Variants in PKIB observed in about 807,000 individuals in gnomAD.
PKIB encodes the protein cAMP-dependent protein kinase inhibitor beta.
PKIB carries 2 observed loss-of-function variants against 4.5 expected under a neutral mutation model. The ratio of observed to expected loss-of-function variants is 0.44; its 90% confidence interval spans 0.18 to 1.39. The LOEUF is 1.39. Ranked by LOEUF, PKIB falls within the 40% of genes most tolerant of loss-of-function variation. The probability of loss-of-function intolerance (pLI) is 0.27; values close to 1 mark genes in which losing one functional copy is unlikely to be tolerated. For synonymous variants in PKIB, 38 were observed against 36.0 expected, an observed-to-expected ratio of 1.06 and a Z score of -0.20; for missense variants, 94 against 92.6, an observed-to-expected ratio of 1.02 and a Z score of -0.06.
At chr6:122,665,056 C>T (rs953354570) in intron 2 of PKIB, among the ~76,000 whole-genome samples, 47 of 152,226 alleles carry the variant, frequency 3.1e-4, no homozygotes, top group African/African-American at 9.9e-4. Flanking sequence ...TATATAAATG[C>T]TTCTCCAGTT....
chr6:122,666,524 GT>G (rs1342338966), intron 2 of PKIB, among the ~76,000 whole-genome samples: 1 of 152,132 alleles, frequency 6.6e-6, no homozygotes, highest in Non-Finnish European at 1.5e-5. Flanking sequence ...AGTCTATCAA[GT>G]CACTTTCTGG....
At chr6:122,553,478 C>CTTTTTTTTTTTTTTTTTTTTTTT (rs1562249215) in intron 2 of PKIB, among the ~76,000 whole-genome samples, 2 of 48,928 alleles carry the variant, frequency 4.1e-5, no homozygotes, top group South Asian at 9.5e-4. Context: ...GCTCAAATAT[C>CTTTTTTTTTTTTTTTTTTTTTTT]TTCTTTTTTT....
intron 1 of PKIB, among the ~76,000 whole-genome samples, chr6:122,617,750 T>C (rs1775054466): frequency 6.6e-6 from 1 of 152,172 alleles, no homozygotes; most frequent in African/African-American, 2.4e-5. Context: ...GTTTAGGTTA[T>C]GTCTAAGTAT....
At chr6:122,702,139 G>A (rs1231222233) in intron 3 of PKIB, among the ~76,000 whole-genome samples, 2 of 151,876 alleles carry the variant, frequency 1.3e-5, no homozygotes, top group Non-Finnish European at 1.5e-5. Flanking sequence ...ACTTATGAAC[G>A]AAAATGAAAC....
intron 2 of PKIB, among the ~76,000 whole-genome samples, chr6:122,531,668 A>G (rs1777264047): frequency 6.6e-6 from 1 of 151,808 alleles, no homozygotes; most frequent in African/African-American, 2.4e-5. Context: ...TCCACTCCCC[A>G]CCTTTCACTT....
intron 1 of PKIB, among the ~76,000 whole-genome samples, chr6:122,620,747 G>A (rs572322928): frequency 3.9e-5 from 6 of 152,130 alleles, no homozygotes; most frequent in Non-Finnish European, 7.3e-5. Context: ...TGTTGAGGGA[G>A]GCAGATGTTG....
rs923396413 is a variant in PKIB at position 122,633,376 on chromosome 6, AT to A, written c.-76+14del. 1 of 152,174 alleles carries A rather than the reference AT, an allele frequency of 6.6e-6. No homozygotes were observed. The highest frequency in any genetic ancestry group is 2.4e-5 in the African/African-American group (1 of 41,450). The allele number at this position is 152,174 out of a possible 1,614,324, so 9.4% of individuals were successfully genotyped here. On this transcript the variant is annotated intron_variant, in intron 2 of 4. Coordinates refer to ENST00000368452, the MANE Select transcript of PKIB (RefSeq NM_181795.3). The stretch of plus-strand genomic sequence containing the variant: ...GGACAGGAAAGATAGGAGTAAGTAT[AT>A]TTTTGTTCCATTGATCTTGGAACAT...
chr6:122,619,182 T>A (rs575665366), intron 1 of PKIB, among the ~76,000 whole-genome samples: 16 of 152,254 alleles, frequency 1.1e-4, no homozygotes, highest in African/African-American at 3.8e-4. Context: ...CATTAATGAT[T>A]TAGGGTGCAC....
intron 2 of PKIB, among the ~76,000 whole-genome samples, chr6:122,664,036 T>G (rs1175572373): frequency 1.3e-5 from 2 of 152,222 alleles, no homozygotes; most frequent in African/African-American, 4.8e-5. Context: ...GATGTGGATA[T>G]TCTCATATTG....
intron 3 of PKIB, among the ~76,000 whole-genome samples, chr6:122,681,109 A>G (rs1263529492): frequency 6.6e-6 from 1 of 152,108 alleles, no homozygotes; most frequent in African/African-American, 2.4e-5. Flanking sequence ...ATCTCAGTTC[A>G]TACTATCAAT....
chr6:122,520,668 C>G (rs948068737), intron 2 of PKIB, among the ~76,000 whole-genome samples: 15 of 117,064 alleles, frequency 1.3e-4, no homozygotes, highest in African/African-American at 4.9e-4. Flanking sequence ...TGTTCCCACC[C>G]CCCCCCCACC....
intron 2 of PKIB, among the ~76,000 whole-genome samples, chr6:122,509,653 G>T (rs941335999): frequency 2.0e-5 from 3 of 151,816 alleles, no homozygotes; most frequent in Non-Finnish European, 2.9e-5. Context: ...GGATGGTGTC[G>T]ATCTCCTGAC....
intron 2 of PKIB, among the ~76,000 whole-genome samples, chr6:122,525,883 G>A (rs1777079414): frequency 6.6e-6 from 1 of 152,030 alleles, no homozygotes; most frequent in South Asian, 2.1e-4. Context: ...TTTCCCTGTA[G>A]CATGCAATGC....
chr6:122,722,728 T>C (rs1269019329), intron 4 of PKIB, among the ~76,000 whole-genome samples: 1 of 152,230 alleles, frequency 6.6e-6, no homozygotes. Flanking sequence ...ATTATGATTG[T>C]TAGGGTGCAA....
chr6:122,561,994 G>GTTTGTT (rs1773031179), intron 2 of PKIB, among the ~76,000 whole-genome samples: 2 of 40,904 alleles, frequency 4.9e-5, no homozygotes, highest in African/African-American at 1.8e-4. Context: ...GTTTGTTTTT[G>GTTTGTT]TTTTTTTTTG....
At chr6:122,576,960 C>G (rs1014515390) in intron 2 of PKIB, among the ~76,000 whole-genome samples, 12 of 151,682 alleles carry the variant, frequency 7.9e-5, no homozygotes, top group Admixed American at 6.6e-5. Context: ...AGACAGCCAC[C>G]AGGTCTATCT....
intron 2 of PKIB, among the ~76,000 whole-genome samples, chr6:122,514,150 C>T (rs17084599): frequency 0.011 from 1,639 of 152,240 alleles, 34 homozygotes; most frequent in African/African-American, 0.036. Context: ...GGGATGAATT[C>T]TCTTATTCAG....
intron 2 of PKIB, among the ~76,000 whole-genome samples, chr6:122,504,940 G>T (rs1776351708): frequency 6.6e-6 from 1 of 152,146 alleles, no homozygotes; most frequent in Non-Finnish European, 1.5e-5. Context: ...TTAAAGGTGG[G>T]AGTCAGGGGG....
intron 3 of PKIB, among the ~76,000 whole-genome samples, chr6:122,593,178 G>A (rs779536371): frequency 1.3e-5 from 2 of 152,128 alleles, no homozygotes; most frequent in Non-Finnish European, 2.9e-5. Context: ...ACAGATTTGT[G>A]CACATAGGTT....
Sources: gnomAD v4.1 joint callset for allele counts (sites outside exome capture counted in the v4.1 genomes callset) on GRCh38, gnomAD v4.1.1 for gene constraint, MANE v1.5 for transcripts, NCBI Gene and HGNC (gene_info 2026-07-23, HGNC 2026-07-21) for gene names.